The following ZNF490 variants were observed in gnomAD, a reference collection of about 807,000 sequenced individuals.
ZNF490 encodes zinc finger protein 490.
A neutral mutation model predicts 17.7 loss-of-function variants in ZNF490; 11 were observed. That is an observed-to-expected ratio of 0.62 (90% CI 0.39 to 1.03). ZNF490 has a LOEUF of 1.03. Among genes scored for constraint, ZNF490 ranks in the 50% least tolerant of loss-of-function variants. The pLI is 0.00. For synonymous variants in ZNF490, 222 were observed against 216.1 expected, an observed-to-expected ratio of 1.03 and a Z score of -0.24; for missense variants, 542 against 643.4, an observed-to-expected ratio of 0.84 and a Z score of 1.71.
At chr19:12,606,343 CTTTTTT>C (rs35743660) in intron 2 of ZNF490, among the ~76,000 whole-genome samples, 2 of 121,674 alleles carry the variant, frequency 1.6e-5, no homozygotes, top group Non-Finnish European at 1.8e-5. Context: ...CTGGGTAATT[CTTTTTT>C]TTTTTTTTTT....
chr19:12,602,782 G>A lies in ZNF490; in HGVS notation c.162+6376C>T, dbSNP rs1450307564. Among the ~76,000 whole-genome samples the A allele has an allele frequency of 4.6e-5, 7 of 151,416 alleles. No homozygotes were observed. In the South Asian group the frequency reaches 6.3e-4, roughly 14 times the overall value. On this transcript the variant is annotated intron_variant, in intron 2 of 4. Coordinates refer to ENST00000311437, the MANE Select transcript of ZNF490 (RefSeq NM_020714.3). ...TGGGCCTACAGGTGCGCACCACCAC[G>A]CCGGGCTAGTTTTTTGTATTTTTAG...
rs549799166 is a variant in ZNF490 at position 12,598,054 on chromosome 19, T to G, written c.162+11104A>C. ...TCCTGGCCAACATGGTCAAACCCTG[T>G]CTCTACTAAAAATACAAAAATTAGC... On this transcript the variant is annotated intron_variant, in intron 2 of 4. Transcript: ENST00000311437. 1.1e-3 allele frequency among the ~76,000 whole-genome samples: 166 copies of G among 152,134 alleles called. 1 individual carries two copies. Among genetic ancestry groups the G allele is most frequent in the Admixed American group, 2.6e-3 (40 of 15,256 alleles).
chr19:12,600,555 T>C (rs2145161523), intron 2 of ZNF490, among the ~76,000 whole-genome samples: 1 of 152,248 alleles, frequency 6.6e-6, no homozygotes, highest in African/African-American at 2.4e-5. Context: ...TGGAAAACTC[T>C]TGTAATTCTG....
intron 2 of ZNF490, among the ~76,000 whole-genome samples, chr19:12,594,197 G>A (rs2022905487): frequency 6.6e-6 from 1 of 152,212 alleles, no homozygotes; most frequent in South Asian, 2.1e-4. Context: ...CAGGAATGGT[G>A]GCTCATGCCT....
chr19:12,577,800 C>T lies in ZNF490; in HGVS notation c.*2685G>A, dbSNP rs1464654950. On this transcript the variant is annotated 3_prime_UTR_variant, in exon 5 of 5. Coordinates refer to ENST00000311437, the MANE Select transcript of ZNF490 (RefSeq NM_020714.3). ...CACTTCTGGGACCCACCCAGGGAGA[C>T]TGTTGTTACGAGGGTGGATGGTGAC... 3 of 985,518 alleles carry T rather than the reference C, an allele frequency of 3.0e-6. No homozygotes were observed. The African/African-American group carries it at 5.2e-5, about 17-fold the overall frequency. The allele number at this position is 985,518 out of a possible 1,614,324, so 61.0% of individuals were successfully genotyped here.
rs2022674797 is a variant in ZNF490, at chr19:12,578,463, G to A, written c.*2022C>T. ...GTCTCTCACCTCAGAGCCACCTGCG[G>A]TTGCCACAGAGAAATTCAGATGTGA... On this transcript the variant is annotated 3_prime_UTR_variant, in exon 5 of 5. Transcript: ENST00000311437. 1 of 985,338 alleles carries A rather than the reference G, an allele frequency of 1.0e-6. No individual in the cohort carries two copies. The highest frequency in any genetic ancestry group is 1.7e-5 in the African/African-American group (1 of 57,244). 61.0% of individuals were successfully genotyped at this position (985,338 alleles called of 1,614,324 possible).
At chr19:12,597,307 G>A (rs755485488) in intron 2 of ZNF490, 3 of 403,024 alleles carry the variant, frequency 7.4e-6, no homozygotes, top group Non-Finnish European at 1.5e-5. Context: ...CGCGCATTCA[G>A]AGCTAGGGTG....
In ZNF490 at chr19:12,609,198, T is replaced by C. The variant is rs578021737; in HGVS notation, c.122A>G (p.Gln41Arg). 2 of 1,613,988 alleles carry C rather than the reference T, an allele frequency of 1.2e-6. No individual in the cohort carries two copies. Among genetic ancestry groups the C allele is most frequent in the Admixed American group, 3.3e-5 (2 of 59,990 alleles). Residue 41 changes from glutamine (Q) to arginine (R), a missense_variant, in exon 2 of 5, where the codon CAG becomes CGG. By Grantham distance (43) the Gln-to-Arg change is conservative. Transcript: ENST00000311437. The part of the protein sequence containing the change: ...GTGGSDVLQM[Q>R]NSEHHGQSIK... ...GCTTTGTCCATGGTGTTCACTGTTC[T>C]GCATCTAATTAGAAACAAGAGGATG...
intron 2 of ZNF490, among the ~76,000 whole-genome samples, chr19:12,596,264 C>CA (rs74180082): frequency 0.085 from 7,938 of 93,128 alleles, 481 homozygotes; most frequent in African/African-American, 0.14. Context: ...GACTCCGTCT[C>CA]AAAAAAAAAA....
intron 4 of ZNF490, among the ~76,000 whole-genome samples, chr19:12,582,257 C>CT (rs5827155): frequency 1.2e-4 from 18 of 148,158 alleles, no homozygotes; most frequent in Non-Finnish European, 1.0e-4. Context: ...ACATCTATTG[C>CT]TTTTTTTTTT....
chr19:12,608,065 G>C (rs1160346999), intron 2 of ZNF490, among the ~76,000 whole-genome samples: 2 of 152,082 alleles, frequency 1.3e-5, no homozygotes, highest in Non-Finnish European at 2.9e-5. Flanking sequence ...ATGCATGAAG[G>C]CTGTAGTCAT....
Position 12,578,942 on chromosome 19 carries a change from G to T in ZNF490, c.*1543C>A. On this transcript the variant is annotated 3_prime_UTR_variant, in exon 5 of 5. Transcript: ENST00000311437. ...TTTAAGAAGGTGGCTCTCCAGTGTGGGTGGTTTCATGGTTTTAAAATGAAC... is the reference window on the plus strand; with the variant it reads ...TTTAAGAAGGTGGCTCTCCAGTGTGTGTGGTTTCATGGTTTTAAAATGAAC... The T allele has an allele frequency of 1.0e-6, 1 of 985,444 alleles. No individual in the cohort carries two copies. Among genetic ancestry groups the T allele is most frequent in the Non-Finnish European group, 1.2e-6 (1 of 829,974 alleles). 61.0% of individuals were successfully genotyped at this position (985,444 alleles called of 1,614,324 possible).
chr19:12,594,008 G>C (rs2022902953), intron 2 of ZNF490, among the ~76,000 whole-genome samples: 1 of 152,190 alleles, frequency 6.6e-6, no homozygotes, highest in Non-Finnish European at 1.5e-5. Context: ...CACATGCCCA[G>C]GGCCCAGGAG....
intron 2 of ZNF490, among the ~76,000 whole-genome samples, chr19:12,602,405 T>C (rs898015901): frequency 6.6e-6 from 1 of 151,528 alleles, no homozygotes; most frequent in Admixed American, 6.6e-5. Flanking sequence ...AAATAATTAG[T>C]TGGGCATGGT....
At chr19:12,608,505 C>T (rs2023100836) in intron 2 of ZNF490, among the ~76,000 whole-genome samples, 1 of 151,856 alleles carries the variant, frequency 6.6e-6, no homozygotes, top group African/African-American at 2.4e-5. Flanking sequence ...GAGTTTCACT[C>T]TGTTGCCCAG....
intron 2 of ZNF490, among the ~76,000 whole-genome samples, chr19:12,602,079 TAC>T (rs61568541): frequency 0.095 from 6,496 of 68,480 alleles, 192 homozygotes; most frequent in South Asian, 0.15. Context: ...GTTCACTATA[TAC>T]ACACACACAC....
chr19:12,592,728 T>C lies in ZNF490; in HGVS notation c.163-9172A>G, dbSNP rs185620637. Among the ~76,000 whole-genome samples the C allele has an allele frequency of 6.4e-4, 97 of 152,342 alleles. 1 individual carries two copies. Among genetic ancestry groups the C allele is most frequent in the Non-Finnish European group, 8.8e-4 (60 of 68,038 alleles). On this transcript the variant is annotated intron_variant, in intron 2 of 4. Coordinates refer to ENST00000311437, the MANE Select transcript of ZNF490 (RefSeq NM_020714.3). The stretch of plus-strand genomic sequence containing the variant: ...TAAACTGTGGACTCTGAGGCATCAA[T>C]ATTGGTACATCACTTATAACAGATG...
chr19:12,587,200 G>A (rs2022814883), intron 2 of ZNF490, among the ~76,000 whole-genome samples: 1 of 84,324 alleles, frequency 1.2e-5, no homozygotes, highest in African/African-American at 3.6e-5. Flanking sequence ...GCAGTTGTGG[G>A]ATGACAGATG....
At position 12,578,051 on chromosome 19, in the gene ZNF490, C is replaced by A; in HGVS notation, c.*2434G>T. 1.0e-6 allele frequency: 1 copy of A among 985,406 alleles called. No individual in the cohort carries two copies. The highest frequency in any genetic ancestry group is 1.2e-6 in the Non-Finnish European group (1 of 829,958). The allele number at this position is 985,406 out of a possible 1,614,324, so 61.0% of individuals were successfully genotyped here. A position where few individuals can be genotyped will look rare whatever the true frequency, so the allele number is the denominator to read the frequency against. ...TGGCTTGTGAACCCTGACACCAGCA[C>A]CTCCCATACACAACAGAGCTGGAGC... On this transcript the variant is annotated 3_prime_UTR_variant, in exon 5 of 5. Coordinates refer to ENST00000311437, the MANE Select transcript of ZNF490 (RefSeq NM_020714.3).
Sources: gnomAD v4.1 joint callset for allele counts (sites outside exome capture counted in the v4.1 genomes callset) on GRCh38, gnomAD v4.1.1 for gene constraint, MANE v1.5 for transcripts, NCBI Gene and HGNC (gene_info 2026-07-23, HGNC 2026-07-21) for gene names.